Variants in GARRE1 observed in about 807,000 individuals in gnomAD.
GARRE1 encodes granule associated Rac and RHOG effector protein 1.
In GARRE1, 49 loss-of-function variants were observed where a neutral mutation model predicts 103.2. The observed-to-expected ratio is 0.47, with a 90% CI of 0.38 to 0.60. The LOEUF is 0.60. GARRE1 is among the 20% of genes least tolerant of loss of function. GARRE1 has a pLI of 0.00. For synonymous variants in GARRE1, 505 were observed against 532.8 expected (o/e 0.95, Z 0.72); for missense variants, 1,199 against 1,370.5 (o/e 0.87, Z 1.98).
intron 1 of GARRE1, among the ~76,000 whole-genome samples, chr19:34,286,737 G>A (rs369733568): frequency 6.7e-6 from 1 of 148,404 alleles, no homozygotes; most frequent in South Asian, 2.2e-4. Flanking sequence ...TCCTGACCTC[G>A]TGATCCGCCC....
intron 1 of GARRE1, among the ~76,000 whole-genome samples, chr19:34,285,898 T>C (rs1222044526): frequency 6.6e-6 from 1 of 152,230 alleles, no homozygotes; most frequent in African/African-American, 2.4e-5. Flanking sequence ...AAAACTAGTT[T>C]ACATGTTTTG....
chr19:34,310,374 T>G (rs962689663), intron 2 of GARRE1, among the ~76,000 whole-genome samples: 2 of 152,250 alleles, frequency 1.3e-5, no homozygotes, highest in Non-Finnish European at 2.9e-5. Context: ...CCTATGTGTC[T>G]GCTGCCTCCC....
At chr19:34,325,337 T>C (rs180721793) in intron 3 of GARRE1, among the ~76,000 whole-genome samples, 59 of 152,286 alleles carry the variant, frequency 3.9e-4, no homozygotes, top group African/African-American at 1.3e-3. Flanking sequence ...TCCTGTGGGC[T>C]TCAGGCCCCT....
At chr19:34,352,208 C>G (rs2074241319) in intron 13 of GARRE1, among the ~76,000 whole-genome samples, 1 of 152,054 alleles carries the variant, frequency 6.6e-6, no homozygotes, top group Non-Finnish European at 1.5e-5. Context: ...TCGAGACTAT[C>G]CTGGCTAACA....
At chr19:34,282,076 A>G (rs946172677) in intron 1 of GARRE1, among the ~76,000 whole-genome samples, 1 of 151,642 alleles carries the variant, frequency 6.6e-6, no homozygotes, top group Non-Finnish European at 1.5e-5. Flanking sequence ...TCTCGTTTTT[A>G]TCTTGGCAAT....
chr19:34,332,736 C>T (rs1218766345), intron 7 of GARRE1, among the ~76,000 whole-genome samples: 2 of 152,144 alleles, frequency 1.3e-5, no homozygotes, highest in African/African-American at 4.8e-5. Flanking sequence ...AGTTTTACCC[C>T]TTCTGAAATA....
At chr19:34,337,938 T>G (rs755977010) in intron 8 of GARRE1, among the ~76,000 whole-genome samples, 2 of 152,174 alleles carry the variant, frequency 1.3e-5, no homozygotes, top group East Asian at 1.9e-4. Flanking sequence ...ATGGAGAGAA[T>G]TGGGTGCACT....
chr19:34,272,972 G>A (rs2073796478), intron 1 of GARRE1, among the ~76,000 whole-genome samples: 1 of 152,230 alleles, frequency 6.6e-6, no homozygotes, highest in South Asian at 2.1e-4. Context: ...GGGAGGCCAA[G>A]GAGGTTGGAT....
At chr19:34,278,742 G>A (rs1176693910) in intron 1 of GARRE1, among the ~76,000 whole-genome samples, 3 of 151,980 alleles carry the variant, frequency 2.0e-5, no homozygotes, top group Non-Finnish European at 2.9e-5. Flanking sequence ...GTGCAGTCAA[G>A]CTTACTGCAG....
At chr19:34,268,931 A>G (rs1411379825) in intron 1 of GARRE1, among the ~76,000 whole-genome samples, 1 of 152,242 alleles carries the variant, frequency 6.6e-6, no homozygotes, top group African/African-American at 2.4e-5. Flanking sequence ...CCAAAAATAA[A>G]AGCAAAAACA....
chr19:34,295,049 A>G lies in GARRE1; in HGVS notation c.-795-4630A>G, dbSNP rs982726847. On this transcript the variant is annotated intron_variant, in intron 1 of 13. Coordinates refer to ENST00000299505, the MANE Select transcript of GARRE1 (RefSeq NM_014686.5). ...TCTCCTCCCTCTCCAGATGAGCTCTAAGTCAGGTAAAATACAGAGATATTT... is the reference window on the plus strand; with the variant it reads ...TCTCCTCCCTCTCCAGATGAGCTCTGAGTCAGGTAAAATACAGAGATATTT... Among the ~76,000 whole-genome samples the G allele has an allele frequency of 1.2e-4, 18 of 152,338 alleles. No individual in the cohort carries two copies. The Middle Eastern group carries it at 0.01, about 86-fold the overall frequency.
rs1428671227 is a variant in GARRE1 at position 34,351,600 on chromosome 19, G to T, written c.2904+8G>T. ...GTGGAGGATGTGAACCAGGTATTCA[G>T]GCAGGCTCTGTGGGCACAGACTTGG... On this transcript the variant is annotated splice_region_variant and intron_variant, in intron 13 of 13. Transcript: ENST00000299505. 1.9e-6 allele frequency: 3 copies of T among 1,609,198 alleles called. No homozygotes were observed. Among genetic ancestry groups the T allele is most frequent in the Non-Finnish European group, 2.6e-6 (3 of 1,175,744 alleles).
intron 8 of GARRE1, among the ~76,000 whole-genome samples, chr19:34,335,090 G>A (rs2074155185): frequency 2.0e-5 from 3 of 151,778 alleles, no homozygotes; most frequent in African/African-American, 7.3e-5. Context: ...CCAGAATATT[G>A]TTAAATTGTT....
chr19:34,341,777 G>C lies in GARRE1; in HGVS notation c.1843G>C (p.Ala615Pro), dbSNP rs978503840. The change falls in exon 10 of 14, where the codon GCC (alanine) becomes CCC (proline). Residue 615 changes from alanine (A) to proline (P), a missense_variant. Transcript: ENST00000299505. ...QSAQNSSNTV[A>P]NGFLMERREN... Reference sequence around the variant, plus strand: ...AGCTCAGAATTCCAGTAATACAGTGGCCAATGGCTTTCTCATGGAGAGGCG... The same window carrying C: ...AGCTCAGAATTCCAGTAATACAGTGCCCAATGGCTTTCTCATGGAGAGGCG... 1 of 1,614,148 alleles carries C rather than the reference G, an allele frequency of 6.2e-7. No individual in the cohort carries two copies. The highest frequency in any genetic ancestry group is 1.7e-5 in the Admixed American group (1 of 60,020).
In GARRE1 at chr19:34,320,048, G is replaced by A. The variant is rs754154292; in HGVS notation, c.637G>A (p.Gly213Ser). The A allele has an allele frequency of 1.2e-5, 20 of 1,614,136 alleles. No individual in the cohort carries two copies. The highest frequency in any genetic ancestry group is 1.6e-4 in the Middle Eastern group (1 of 6,084). The part of the protein sequence containing the change: ...PEKKNSGSGG[G>S]LSGMGHTPEV... ...AAAAAAGAACAGCGGCAGTGGCGGC[G>A]GCTTATCTGGCATGGGCCACACACC... The change falls in exon 3 of 14, where the codon GGC becomes AGC. Residue 213 changes from glycine (G) to serine (S), a missense_variant. Physicochemically the swap from Gly to Ser is moderately conservative, Grantham distance 56. Transcript: ENST00000299505.
intron 2 of GARRE1, among the ~76,000 whole-genome samples, chr19:34,310,523 G>A (rs2074031426): frequency 6.6e-6 from 1 of 152,200 alleles, no homozygotes; most frequent in South Asian, 2.1e-4. Flanking sequence ...TGATGTAGAG[G>A]CACCCCTGAG....
At chr19:34,344,895 G>A (rs2074204018) in intron 10 of GARRE1, among the ~76,000 whole-genome samples, 1 of 151,228 alleles carries the variant, frequency 6.6e-6, no homozygotes, top group African/African-American at 2.4e-5. Context: ...CTGGAGTGCA[G>A]TGGCGCGATC....
In GARRE1 at chr19:34,296,354, G is replaced by T. The variant is rs537778864; in HGVS notation, c.-795-3325G>T. ...CTGAAGCTGGAGCTGCAGTCTGGGC[G>T]CTGATTTGATCCTTGGCCTTGGCCT... is the stretch of plus-strand genomic sequence containing the variant. On this transcript the variant is annotated intron_variant, in intron 1 of 13. Transcript: ENST00000299505. The T allele has an allele frequency of 1.3e-5, 15 of 1,172,166 alleles. No individual in the cohort carries two copies. The African/African-American group carries it at 2.3e-4, about 18-fold the overall frequency. 72.6% of individuals were successfully genotyped at this position (1,172,166 alleles called of 1,614,324 possible).
At chr19:34,302,171 G>A (rs929172802) in intron 2 of GARRE1, among the ~76,000 whole-genome samples, 14 of 146,844 alleles carry the variant, frequency 9.5e-5, no homozygotes, top group African/African-American at 3.3e-4. Context: ...TGTATTTTTA[G>A]TAGAGACGGG....
Sources: gnomAD v4.1 joint callset for allele counts (sites outside exome capture counted in the v4.1 genomes callset) on GRCh38, gnomAD v4.1.1 for gene constraint, MANE v1.5 for transcripts, NCBI Gene and HGNC (gene_info 2026-07-23, HGNC 2026-07-21) for gene names.